ANKRD45: variants seen among roughly 807,000 people sequenced by gnomAD.
ANKRD45 encodes the protein ankyrin repeat domain 45, also known as ankyrin repeat domain-containing protein 45.
ANKRD45 carries 21 observed loss-of-function variants against 28.1 expected under a neutral mutation model. The ratio of observed to expected loss-of-function variants is 0.75; its 90% CI spans 0.53 to 1.08. The LOEUF (loss-of-function observed/expected upper bound fraction) is 1.08, where lower values mean the gene tolerates loss of function less well. ANKRD45 is among the 50% of genes least tolerant of loss of function. ANKRD45 has a pLI of 0.00. For synonymous variants in ANKRD45, 86 were observed against 103.9 expected (o/e 0.83, Z 1.05); for missense variants, 261 against 308.7 (o/e 0.85, Z 1.16).
At chr1:173,710,521 G>A in the ANKRD45 span, among the ~76,000 whole-genome samples, 1 of 152,138 alleles carries the variant, frequency 6.6e-6, no homozygotes, top group Admixed American at 6.5e-5. Flanking sequence ...CATGTGCAAT[G>A]GCCTGCTAGT....
intron 5 of ANKRD45, among the ~76,000 whole-genome samples, chr1:173,610,484 C>T (rs1306423757): frequency 6.6e-6 from 1 of 152,176 alleles, no homozygotes; most frequent in East Asian, 1.9e-4. Context: ...AACCGCTAAA[C>T]CTCTGTTGTC....
rs540181217 is a variant in ANKRD45 at position 173,654,883 on chromosome 1, C to T, written c.328+4208G>A. The stretch of plus-strand genomic sequence containing the variant: ...GCTGATAACCTTTCTTCCACTTGAT[C>T]GAATTGGCTACTGAAGCTTGTGCAT... On this transcript the variant is annotated intron_variant, in intron 2 of 5. Coordinates refer to ENST00000333279, the MANE Select transcript of ANKRD45 (RefSeq NM_198493.3). Among the ~76,000 whole-genome samples, 15 of 152,232 alleles carry T rather than the reference C, an allele frequency of 9.9e-5. 1 individual carries two copies. Among genetic ancestry groups the T allele is most frequent in the South Asian group, 2.1e-4 (1 of 4,818 alleles).
intron 3 of ANKRD45, among the ~76,000 whole-genome samples, chr1:173,635,068 A>T (rs1471537225): frequency 6.6e-6 from 1 of 152,082 alleles, no homozygotes; most frequent in Admixed American, 6.6e-5. Flanking sequence ...AATTGTTTCC[A>T]TAAGATTCTA....
At chr1:173,625,636 A>G (rs1271399612) in intron 4 of ANKRD45, among the ~76,000 whole-genome samples, 1 of 151,700 alleles carries the variant, frequency 6.6e-6, no homozygotes, top group Non-Finnish European at 1.5e-5. Flanking sequence ...CATATGCAGA[A>G]GTATGTAGAA....
At chr1:173,695,732 C>T in the ANKRD45 span, among the ~76,000 whole-genome samples, 1 of 152,098 alleles carries the variant, frequency 6.6e-6, no homozygotes, top group Non-Finnish European at 1.5e-5. Flanking sequence ...AGTAGGATTG[C>T]TGGGTTGAAT....
chr1:173,637,763 C>T (rs1668518031), intron 3 of ANKRD45, among the ~76,000 whole-genome samples: 1 of 152,172 alleles, frequency 6.6e-6, no homozygotes, highest in Non-Finnish European at 1.5e-5. Flanking sequence ...GTAAACTAGC[C>T]TTGCTGAGAG....
chr1:173,638,870 TTGAC>T (rs1668579330), intron 3 of ANKRD45, among the ~76,000 whole-genome samples: 1 of 152,164 alleles, frequency 6.6e-6, no homozygotes, highest in South Asian at 2.1e-4. Flanking sequence ...GTGTCTAGAT[TTGAC>T]TGACTACCAA....
chr1:173,644,170 G>A (rs1361558002), intron 3 of ANKRD45, among the ~76,000 whole-genome samples: 1 of 152,116 alleles, frequency 6.6e-6, no homozygotes, highest in African/African-American at 2.4e-5. Flanking sequence ...AGGGATTTCT[G>A]AATCCTTTAA....
intron 1 of ANKRD45, among the ~76,000 whole-genome samples, chr1:173,664,137 CA>C (rs1440690127): frequency 6.6e-6 from 1 of 152,136 alleles, no homozygotes. Flanking sequence ...AGGAAATCAA[CA>C]AGAAGGACTC....
intron 3 of ANKRD45, chr1:173,637,094 C>T: frequency 8.6e-7 from 1 of 1,165,140 alleles, no homozygotes; most frequent in South Asian, 1.4e-5. Flanking sequence ...AGAAATCTAT[C>T]ATCTAAGGAT....
the ANKRD45 span, among the ~76,000 whole-genome samples, chr1:173,681,947 G>A: frequency 2.6e-5 from 4 of 152,006 alleles, no homozygotes; most frequent in African/African-American, 9.7e-5. Flanking sequence ...CTACTTGGGA[G>A]GCTGAGGCAG....
At position 173,624,941 on chromosome 1, in the gene ANKRD45, CAG is replaced by C. The variant is rs1289080753; in HGVS notation, c.592-18_592-17del. 5 of 1,603,266 alleles carry C rather than the reference CAG, an allele frequency of 3.1e-6. No individual in the cohort carries two copies. In the Middle Eastern group the frequency reaches 5.0e-4, roughly 160 times the overall value. On this transcript the variant is annotated splice_polypyrimidine_tract_variant and intron_variant, in intron 4 of 5. Transcript: ENST00000333279. ...GGATGGTATTCTAGGGACAGAAATA[CAG>C]AGTTTGCTCTCCACTTATTTATTGA...
At chr1:173,696,362 T>C in the ANKRD45 span, among the ~76,000 whole-genome samples, 4,173 of 152,312 alleles carry the variant, frequency 0.027, 206 homozygotes, top group African/African-American at 0.096. Context: ...AAGGCCAGTG[T>C]CCAGAATGAC....
chr1:173,650,731 A>G (rs1669168239), intron 2 of ANKRD45, among the ~76,000 whole-genome samples: 2 of 152,104 alleles, frequency 1.3e-5, no homozygotes, highest in African/African-American at 2.4e-5. Context: ...AAGCATTCCT[A>G]TTTCTCCACA....
intron 3 of ANKRD45, among the ~76,000 whole-genome samples, chr1:173,629,432 A>T (rs1668089032): frequency 6.6e-6 from 1 of 152,168 alleles, no homozygotes; most frequent in African/African-American, 2.4e-5. Context: ...TCAGAATCCT[A>T]TCAGATAAAA....
At chr1:173,681,530 T>A in the ANKRD45 span, among the ~76,000 whole-genome samples, 1 of 152,214 alleles carries the variant, frequency 6.6e-6, no homozygotes, top group African/African-American at 2.4e-5. Flanking sequence ...CATAAATACA[T>A]AGACGTATTA....
chr1:173,677,135 A>G, the ANKRD45 span, among the ~76,000 whole-genome samples: 3 of 152,036 alleles, frequency 2.0e-5, no homozygotes, highest in African/African-American at 7.2e-5. Flanking sequence ...ATCACAGGTC[A>G]TTGTAAAATA....
the ANKRD45 span, among the ~76,000 whole-genome samples, chr1:173,708,070 T>C: frequency 6.6e-6 from 1 of 152,264 alleles, no homozygotes; most frequent in South Asian, 2.1e-4. Context: ...ATAATATCTC[T>C]TAGGGTTAAC....
At chr1:173,643,503 T>C (rs1013561477) in intron 3 of ANKRD45, among the ~76,000 whole-genome samples, 14 of 152,152 alleles carry the variant, frequency 9.2e-5, no homozygotes, top group African/African-American at 3.4e-4. Context: ...ACAGGAAGAC[T>C]TTTAATTTCC....
Sources: allele counts gnomAD v4.1 joint callset (sites outside exome capture counted in the v4.1 genomes callset), GRCh38; gene constraint gnomAD v4.1.1; transcripts MANE v1.5; gene names NCBI Gene and HGNC (gene_info 2026-07-23, HGNC 2026-07-21).